The following HEPHL1 variants were observed in gnomAD, a reference collection of about 807,000 sequenced individuals.
HEPHL1 encodes hephaestin like 1, also known as ferroxidase HEPHL1.
In HEPHL1, 123 loss-of-function variants were observed where a neutral mutation model predicts 122.0. The ratio of observed to expected loss-of-function variants is 1.01; its 90% CI spans 0.87 to 1.17. HEPHL1 has a LOEUF of 1.17. Ranked by LOEUF, HEPHL1 falls within the 50% of genes most tolerant of loss-of-function variation. HEPHL1 has a pLI of 0.00. For missense variants in HEPHL1, 1,452 were observed against 1,430.5 expected (o/e 1.01, Z -0.24); for synonymous variants, 527 against 508.9 (o/e 1.04, Z -0.48).
chr11:94,023,179 G>A (rs1365062446), intron 1 of HEPHL1, among the ~76,000 whole-genome samples: 1 of 152,156 alleles, frequency 6.6e-6, no homozygotes, highest in Non-Finnish European at 1.5e-5. Context: ...TCATTGCTTT[G>A]GTTCCACAGC....
At chr11:94,099,309 C>T (rs940665237) in intron 13 of HEPHL1, among the ~76,000 whole-genome samples, 15 of 152,196 alleles carry the variant, frequency 9.9e-5, no homozygotes, top group Admixed American at 7.2e-4. Context: ...ATATCAGCAG[C>T]GGAGGCTGCA....
chr11:94,081,626 G>A (rs940308221), intron 9 of HEPHL1, among the ~76,000 whole-genome samples: 2 of 152,044 alleles, frequency 1.3e-5, no homozygotes, highest in Non-Finnish European at 2.9e-5. Flanking sequence ...ACATAATTTA[G>A]CTAAGTCTCG....
intron 4 of HEPHL1, 80 bp from the exon 5 acceptor site, chr11:94,067,416 T>G: frequency 7.0e-7 from 1 of 1,422,332 alleles, no homozygotes. Flanking sequence ...CCAGCCATGC[T>G]TAAGCCCGTA....
chr11:94,075,532 T>C, intron 9 of HEPHL1, 147 bp downstream of exon 9: 1 of 627,280 alleles, frequency 1.6e-6, no homozygotes, highest in South Asian at 2.1e-5. Flanking sequence ...GGAGATTTTA[T>C]TTGATTTTCT....
chr11:94,068,181 A>G (rs1946049417), intron 5 of HEPHL1, among the ~76,000 whole-genome samples: 1 of 152,194 alleles, frequency 6.6e-6, no homozygotes, highest in African/African-American at 2.4e-5. Context: ...AGAAGGAAAG[A>G]AAGACTTTTG....
In HEPHL1 at chr11:94,098,197, G is replaced by T. The variant is rs544147138; in HGVS notation, c.2435-2998G>T. Among the ~76,000 whole-genome samples the T allele has an allele frequency of 8.3e-4, 127 of 152,218 alleles. 1 individual carries two copies. The highest frequency in any genetic ancestry group is 2.8e-3 in the African/African-American group (117 of 41,544). On this transcript the variant is annotated intron_variant, in intron 13 of 19. Transcript: ENST00000315765. The stretch of plus-strand genomic sequence containing the variant: ...TTTAGTGCTTCCTTCAGGAGCTCTT[G>T]TAATGCAGGCCTGGTGGTGACAAAA...
intron 11 of HEPHL1, among the ~76,000 whole-genome samples, chr11:94,087,856 A>T (rs1383677560): frequency 1.3e-5 from 2 of 152,182 alleles, no homozygotes; most frequent in Non-Finnish European, 2.9e-5. Flanking sequence ...TAACTAGGCG[A>T]TGTTTAGACA....
At chr11:94,051,363 T>C (rs562061026) in intron 2 of HEPHL1, among the ~76,000 whole-genome samples, 1 of 152,282 alleles carries the variant, frequency 6.6e-6, no homozygotes, top group South Asian at 2.1e-4. Flanking sequence ...GTTGGGAGAA[T>C]ATCATGTTGT....
chr11:94,070,249 T>C lies in HEPHL1; in HGVS notation c.1064-125T>C, dbSNP rs190080515. 293 of 870,878 alleles carry C rather than the reference T, an allele frequency of 3.4e-4. No individual in the cohort carries two copies. The African/African-American group carries it at 4.5e-3, about 13-fold the overall frequency. 53.9% of individuals were successfully genotyped at this position (870,878 alleles called of 1,614,324 possible). A position where few individuals can be genotyped will look rare whatever the true frequency, so the allele number is the denominator to read the frequency against. ...CCATTTATCCTTTTTAAAAAAACTT[T>C]CTTTATGGTCCAATTTTCTGTACAG... is the stretch of plus-strand genomic sequence containing the variant. On this transcript the variant is annotated intron_variant, in intron 5 of 19. Transcript: ENST00000315765.
intron 2 of HEPHL1, among the ~76,000 whole-genome samples, chr11:94,046,644 C>A (rs975523275): frequency 6.6e-6 from 1 of 151,064 alleles, no homozygotes; most frequent in Non-Finnish European, 1.5e-5. Context: ...TTGCTTCAGG[C>A]GGCTGTTTTT....
In HEPHL1 at chr11:94,104,749, T is replaced by C. The variant is rs1427196576; in HGVS notation, c.2904T>C (p.His968=). ...ATTTTGAGGAAAGCAACAGAATGCA[T>C]GGTATATCCAAAGTTTAAAAAGAAG... ...TDDFEESNRM[H]AINGKIFGNL... Residue 968 remains histidine (H), a splice_region_variant and synonymous_variant, in exon 16 of 20, where the codon CAT becomes CAC. Coordinates refer to ENST00000315765, the MANE Select transcript of HEPHL1 (RefSeq NM_001098672.2). The C allele has an allele frequency of 1.9e-6, 3 of 1,607,300 alleles. No homozygotes were observed. Among genetic ancestry groups the C allele is most frequent in the Non-Finnish European group, 1.7e-6 (2 of 1,174,588 alleles).
chr11:94,083,214 A>T (rs1225963757), intron 10 of HEPHL1, among the ~76,000 whole-genome samples: 1 of 152,248 alleles, frequency 6.6e-6, no homozygotes, highest in Non-Finnish European at 1.5e-5. Flanking sequence ...AATAGGAGAT[A>T]ATCATTACAT....
intron 17 of HEPHL1, among the ~76,000 whole-genome samples, chr11:94,110,413 A>C (rs1319263103): frequency 6.6e-6 from 1 of 152,224 alleles, no homozygotes; most frequent in Non-Finnish European, 1.5e-5. Context: ...ATCCACTTCC[A>C]AACTTACTGA....
chr11:94,107,753 G>A (rs927109580), intron 17 of HEPHL1, among the ~76,000 whole-genome samples: 1 of 152,170 alleles, frequency 6.6e-6, no homozygotes, highest in Non-Finnish European at 1.5e-5. Context: ...GTATTCCATT[G>A]TAAGGATATA....
At chr11:94,078,944 C>G (rs1354993972) in intron 9 of HEPHL1, among the ~76,000 whole-genome samples, 2 of 152,162 alleles carry the variant, frequency 1.3e-5, no homozygotes, top group Admixed American at 6.5e-5. Flanking sequence ...TTCACCATCA[C>G]TCAGGGTTCT....
chr11:94,079,553 G>A (rs1293951440), intron 9 of HEPHL1, among the ~76,000 whole-genome samples: 3 of 152,150 alleles, frequency 2.0e-5, no homozygotes, highest in Non-Finnish European at 2.9e-5. Context: ...ACAGAAGTGG[G>A]CAGCTAAGCA....
intron 1 of HEPHL1, among the ~76,000 whole-genome samples, chr11:94,037,234 G>C (rs1235181390): frequency 6.6e-6 from 1 of 151,994 alleles, no homozygotes; most frequent in African/African-American, 2.4e-5. Context: ...ACGGAGTCTC[G>C]CTGATTGCTA....
At chr11:94,049,835 A>G (rs998004103) in intron 2 of HEPHL1, among the ~76,000 whole-genome samples, 34 of 152,116 alleles carry the variant, frequency 2.2e-4, no homozygotes, top group Non-Finnish European at 1.3e-4. Context: ...CCCTCCATAT[A>G]TATATTTGAT....
chr11:94,107,889 C>T (rs1322251325), intron 17 of HEPHL1, among the ~76,000 whole-genome samples: 1 of 151,850 alleles, frequency 6.6e-6, no homozygotes, highest in Non-Finnish European at 1.5e-5. Flanking sequence ...TTTTCATTTT[C>T]CTTGAGAAAA....
Sources: gnomAD v4.1 joint callset for allele counts (sites outside exome capture counted in the v4.1 genomes callset) on GRCh38, gnomAD v4.1.1 for gene constraint, MANE v1.5 for transcripts, NCBI Gene and HGNC (gene_info 2026-07-23, HGNC 2026-07-21) for gene names.